The following PAX3 variants were observed in gnomAD, a reference collection of about 807,000 sequenced individuals.
PAX3 encodes the protein paired box protein Pax-3.
A neutral mutation model predicts 51.6 loss-of-function variants in PAX3; 14 were observed. That is an observed-to-expected ratio of 0.27 (90% CI 0.18 to 0.42). PAX3 has a LOEUF of 0.42. Ranked by LOEUF, PAX3 falls within the 10% of genes least tolerant of loss-of-function variation. PAX3 has a pLI of 1.00. For missense variants in PAX3, 540 were observed against 642.8 expected, an observed-to-expected ratio of 0.84 and a Z score of 1.73; for synonymous variants, 280 against 253.4, an observed-to-expected ratio of 1.11 and a Z score of -1.00.
intron 5 of PAX3, among the ~76,000 whole-genome samples, chr2:222,224,725 A>G (rs2106081277): frequency 6.6e-6 from 1 of 152,328 alleles, no homozygotes; most frequent in Admixed American, 6.5e-5. Context: ...ATATTGTATC[A>G]CTAATTCCTA....
intron 4 of PAX3, among the ~76,000 whole-genome samples, chr2:222,259,514 G>T (rs936932994): frequency 1.3e-5 from 2 of 152,144 alleles, no homozygotes; most frequent in Non-Finnish European, 2.9e-5. Flanking sequence ...AATCAAAGGG[G>T]TTTATAACTA....
intron 4 of PAX3, chr2:222,242,770 G>A (rs1244321487): frequency 6.6e-6 from 1 of 152,152 alleles, no homozygotes; most frequent in African/African-American, 2.4e-5. Flanking sequence ...ATTATGTTCT[G>A]TACAGTTACC....
intron 4 of PAX3, among the ~76,000 whole-genome samples, chr2:222,238,522 T>G (rs1692884870): frequency 6.6e-6 from 1 of 152,198 alleles, no homozygotes; most frequent in Non-Finnish European, 1.5e-5. Flanking sequence ...TTTGAATAAT[T>G]AAAGAATCAA....
chr2:222,288,373 T>TAC (rs1387942820), intron 4 of PAX3, among the ~76,000 whole-genome samples: 3 of 152,226 alleles, frequency 2.0e-5, no homozygotes, highest in African/African-American at 7.2e-5. Flanking sequence ...TGCACATACA[T>TAC]ACACATAAAC....
intron 7 of PAX3, among the ~76,000 whole-genome samples, chr2:222,209,272 G>A (rs117698105): frequency 2.2e-3 from 339 of 152,242 alleles, no homozygotes; most frequent in East Asian, 0.021. Context: ...AAAGTCAATA[G>A]CATAAGATTG....
At chr2:222,296,189 C>T (rs1299388303) in intron 2 of PAX3, among the ~76,000 whole-genome samples, 1 of 152,138 alleles carries the variant, frequency 6.6e-6, no homozygotes, top group Admixed American at 6.5e-5. Context: ...TCTCTCTACC[C>T]CCAATATATA....
intron 7 of PAX3, among the ~76,000 whole-genome samples, chr2:222,216,118 G>A (rs984058048): frequency 2.6e-5 from 4 of 152,258 alleles, no homozygotes; most frequent in East Asian, 3.9e-4. Flanking sequence ...AAATTCAGTC[G>A]AATATCACTG....
At chr2:222,273,279 T>A (rs1225221298) in intron 4 of PAX3, among the ~76,000 whole-genome samples, 1 of 152,204 alleles carries the variant, frequency 6.6e-6, no homozygotes, top group African/African-American at 2.4e-5. Context: ...GGCTTCATTG[T>A]GACTCTTCTT....
chr2:222,250,462 A>G (rs1461662931), intron 4 of PAX3, among the ~76,000 whole-genome samples: 1 of 152,222 alleles, frequency 6.6e-6, no homozygotes, highest in East Asian at 1.9e-4. Context: ...ATGCATGTCA[A>G]TTCACTTTGT....
rs2106031151 is a variant in PAX3 at position 222,200,476 on chromosome 2, T to A, written c.*932A>T. On this transcript the variant is annotated 3_prime_UTR_variant, in exon 9 of 9. Coordinates refer to ENST00000392070, the MANE Select transcript of PAX3 (RefSeq NM_181458.4). ...CACTGCACTCTATCACTATGAATTA[T>A]GGGCTGTGAAAATAAAAGCACCTGC... 8.7e-6 allele frequency: 2 copies of A among 230,978 alleles called. No homozygotes were observed. The highest frequency in any genetic ancestry group is 1.2e-4 in the East Asian group (2 of 16,110). The allele number at this position is 230,978 out of a possible 1,614,324, so 14.3% of individuals were successfully genotyped here.
intron 4 of PAX3, among the ~76,000 whole-genome samples, chr2:222,246,512 T>C (rs1051286263): frequency 2.6e-5 from 4 of 152,110 alleles, no homozygotes; most frequent in African/African-American, 9.7e-5. Context: ...AAATAAAAAA[T>C]AATGATAGTC....
intron 4 of PAX3, among the ~76,000 whole-genome samples, chr2:222,269,558 G>C (rs963452138): frequency 2.6e-5 from 4 of 151,358 alleles, no homozygotes; most frequent in African/African-American, 7.3e-5. Flanking sequence ...AAACAAACAA[G>C]AGTAAACAAA....
intron 7 of PAX3, among the ~76,000 whole-genome samples, chr2:222,211,830 C>A (rs1243049772): frequency 6.6e-6 from 1 of 152,180 alleles, no homozygotes; most frequent in Non-Finnish European, 1.5e-5. Context: ...GGCTAATGTG[C>A]ACTCGTACAC....
intron 7 of PAX3, among the ~76,000 whole-genome samples, chr2:222,206,455 T>C (rs1480938949): frequency 6.6e-6 from 1 of 152,198 alleles, no homozygotes; most frequent in African/African-American, 2.4e-5. Context: ...TTCCACATAC[T>C]GTTTCTAAAT....
intron 5 of PAX3, among the ~76,000 whole-genome samples, chr2:222,230,943 A>AT (rs1692571243): frequency 1.3e-5 from 2 of 148,682 alleles, no homozygotes; most frequent in South Asian, 4.2e-4. Flanking sequence ...TGTCTGTGTT[A>AT]TTTTTAAATT....
At chr2:222,293,736 A>T (rs2106195484) in intron 4 of PAX3, 4 of 1,613,854 alleles carry the variant, frequency 2.5e-6, no homozygotes, top group Non-Finnish European at 3.4e-6. Flanking sequence ...ATGCGAGGAA[A>T]CTCCGGAGAC....
At chr2:222,260,570 T>TTG (rs1559292809) in intron 4 of PAX3, among the ~76,000 whole-genome samples, 1 of 74,762 alleles carries the variant, frequency 1.3e-5, no homozygotes, top group Non-Finnish European at 2.8e-5. Context: ...TTTTTGTTTT[T>TTG]TTTTTTTGTT....
At chr2:222,229,755 A>C (rs1692516519) in intron 5 of PAX3, among the ~76,000 whole-genome samples, 1 of 152,182 alleles carries the variant, frequency 6.6e-6, no homozygotes, top group East Asian at 1.9e-4. Flanking sequence ...AGAGTGAAAA[A>C]GAAAGGTTAT....
chr2:222,229,873 C>T (rs370676680), intron 5 of PAX3, among the ~76,000 whole-genome samples: 19 of 152,108 alleles, frequency 1.2e-4, no homozygotes, highest in African/African-American at 3.9e-4. Context: ...CTATCTAGCC[C>T]GGAAAGTTCA....
Sources: gnomAD v4.1 joint callset for allele counts (sites outside exome capture counted in the v4.1 genomes callset) on GRCh38, gnomAD v4.1.1 for gene constraint, MANE v1.5 for transcripts, NCBI Gene and HGNC (gene_info 2026-07-23, HGNC 2026-07-21) for gene names.